Variants in SP1 observed in about 807,000 individuals in gnomAD.
SP1 encodes the protein Sp1 transcription factor.
Under a neutral mutation model 66.3 loss-of-function variants are expected in SP1, and 6 were observed. The observed-to-expected ratio is 0.09, with a 90% CI of 0.05 to 0.18. The LOEUF (loss-of-function observed/expected upper bound fraction) is 0.18. Among genes scored for constraint, SP1 ranks in the 10% least tolerant of loss-of-function variants. The probability of loss-of-function intolerance (pLI) is 1.00; values close to 1 mark genes in which losing one functional copy is unlikely to be tolerated. For synonymous variants in SP1, 417 were observed against 360.8 expected (o/e 1.16, Z -1.77); for missense variants, 848 against 964.5 (o/e 0.88, Z 1.60).
Position 53,381,707 on chromosome 12 carries a change from A to C in SP1, c.56A>C (p.Lys19Thr). The C allele has an allele frequency of 6.2e-7, 1 of 1,613,982 alleles. No individual in the cohort carries two copies. The highest frequency in any genetic ancestry group is 8.5e-7 in the Non-Finnish European group (1 of 1,179,946). The change falls in exon 2 of 6, where the codon AAA (lysine) becomes ACA (threonine). Residue 19 changes from lysine to threonine, a missense_variant. By Grantham distance (78) the Lys-to-Thr change is moderately conservative. Coordinates refer to ENST00000327443, the MANE Select transcript of SP1 (RefSeq NM_138473.3). Reference sequence around the variant, plus strand: ...ATGACAGCTGTGGTGAAAATTGAAAAAGGAGTTGGTGGCAATAATGGGGGC... The same window carrying C: ...ATGACAGCTGTGGTGAAAATTGAAACAGGAGTTGGTGGCAATAATGGGGGC... Reference protein sequence around the residue: ...DEMTAVVKIEKGVGGNNGGNG... With the variant: ...DEMTAVVKIETGVGGNNGGNG...
chr12:53,397,709 G>A (rs940686338), intron 3 of SP1, among the ~76,000 whole-genome samples: 6 of 150,694 alleles, frequency 4.0e-5, no homozygotes, highest in African/African-American at 1.2e-4. Flanking sequence ...GCCTGCCACC[G>A]TGCCCAGATA....
chr12:53,414,933 G>T lies in SP1; in HGVS notation c.*3693G>T, dbSNP rs1053909623. 1 of 152,576 alleles carries T rather than the reference G, an allele frequency of 6.6e-6. No homozygotes were observed. Among genetic ancestry groups the T allele is most frequent in the African/African-American group, 2.4e-5 (1 of 41,438 alleles). 9.5% of individuals were successfully genotyped at this position (152,576 alleles called of 1,614,324 possible). A position where few individuals can be genotyped will look rare whatever the true frequency, so the allele number is the denominator to read the frequency against. ...GTACCAAGGAAATAAGGACAGTCTA[G>T]CTGCCTCAAGTGAGGGGCCCTTTGC... On this transcript the variant is annotated 3_prime_UTR_variant, in exon 6 of 6. Transcript: ENST00000327443.
rs1938928732 is a variant in SP1 at position 53,413,080 on chromosome 12, G to A, written c.*1840G>A. The A allele has an allele frequency of 6.6e-6, 1 of 152,522 alleles. No homozygotes were observed. The highest frequency in any genetic ancestry group is 1.5e-5 in the Non-Finnish European group (1 of 68,032). The allele number at this position is 152,522 out of a possible 1,614,324, so 9.4% of individuals were successfully genotyped here. A position where few individuals can be genotyped will look rare whatever the true frequency, so the allele number is the denominator to read the frequency against. ...AGTGTTTTTGTATGTGTGGGTGAATGTGTGTTCATGCCCGTATATGTCTAC... is the reference window on the plus strand; with the variant it reads ...AGTGTTTTTGTATGTGTGGGTGAATATGTGTTCATGCCCGTATATGTCTAC... On this transcript the variant is annotated 3_prime_UTR_variant, in exon 6 of 6. Transcript: ENST00000327443.
chr12:53,391,725 C>T (rs1396386449), intron 3 of SP1, among the ~76,000 whole-genome samples: 1 of 151,176 alleles, frequency 6.6e-6, no homozygotes, highest in Admixed American at 6.7e-5. Flanking sequence ...CATAGCAACC[C>T]AACAGTTTTT....
intron 3 of SP1, among the ~76,000 whole-genome samples, chr12:53,401,518 A>G (rs111444882): frequency 0.015 from 2,283 of 151,324 alleles, 45 homozygotes; most frequent in African/African-American, 0.051. Context: ...ACAACGAGCA[A>G]TGATACTGGC....
Position 53,406,694 on chromosome 12 carries a change from C to A in SP1, c.1785C>A (p.Ala595=). Residue 595 remains alanine, a synonymous_variant, in exon 4 of 6, where the codon GCC becomes GCA. Transcript: ENST00000327443. ...ACAGCCCAGATGCCCAACCCCAAGC[C>A]GGTCGGAGGACCCGGCGGGAAGCAT... is the stretch of plus-strand genomic sequence containing the variant. ...GENSPDAQPQ[A]GRRTRREACT... The A allele has an allele frequency of 6.2e-7, 1 of 1,614,120 alleles. No individual in the cohort carries two copies. The highest frequency in any genetic ancestry group is 8.5e-7 in the Non-Finnish European group (1 of 1,180,012).
chr12:53,396,174 A>G (rs1187319321), intron 3 of SP1, among the ~76,000 whole-genome samples: 1 of 151,392 alleles, frequency 6.6e-6, no homozygotes, highest in East Asian at 2.0e-4. Context: ...CCAGCTACTC[A>G]GGACGCTGAG....
chr12:53,381,939 G>A, intron 2 of SP1, 126 bp downstream of exon 2: 2 of 1,232,396 alleles, frequency 1.6e-6, no homozygotes, highest in South Asian at 1.5e-5. Flanking sequence ...GGAAGTAAGA[G>A]AATGGAGATC....
Position 53,406,655 on chromosome 12 carries a change from A to G in SP1, c.1746A>G (p.Gly582=). ...GAATACATGATGACACAGCAGGTGG[A>G]GAGGAAGGAGAAAACAGCCCAGATG... The part of the protein sequence containing the change: ...GDGIHDDTAG[G]EEGENSPDAQ... The change falls in exon 4 of 6, where the codon GGA becomes GGG. Residue 582 remains glycine, a synonymous_variant. Coordinates refer to ENST00000327443, the MANE Select transcript of SP1 (RefSeq NM_138473.3). 6.2e-7 allele frequency: 1 copy of G among 1,614,072 alleles called. No individual in the cohort carries two copies. Among genetic ancestry groups the G allele is most frequent in the Non-Finnish European group, 8.5e-7 (1 of 1,179,998 alleles).
chr12:53,380,456 G>A (rs1054142338), intron 1 of SP1, among the ~76,000 whole-genome samples, 158 bp downstream of exon 1: 5 of 151,134 alleles, frequency 3.3e-5, no homozygotes, highest in African/African-American at 9.7e-5. Flanking sequence ...GGAGGGAGAC[G>A]GGGCAGTGGC....
At chr12:53,391,394 G>A (rs557039068) in intron 3 of SP1, among the ~76,000 whole-genome samples, 1 of 138,226 alleles carries the variant, frequency 7.2e-6, no homozygotes, top group Non-Finnish European at 1.5e-5. Context: ...CTGTTGCCAG[G>A]CTGGAGTGCA....
Position 53,383,163 on chromosome 12 carries a change from G to A in SP1, c.1216G>A (p.Val406Ile), listed in dbSNP as rs1038260012. The stretch of plus-strand genomic sequence containing the variant: ...ACAAATTCTTATCCAGCCTCAGCTA[G>A]TTCAAGGGGGACAGGCCCTCCAGGC... ...QQQILIQPQL[V>I]QGGQALQALQ... is the part of the protein sequence containing the mutation. Residue 406 changes from valine to isoleucine, a missense_variant, in exon 3 of 6, where the codon GTT becomes ATT. Coordinates refer to ENST00000327443, the MANE Select transcript of SP1 (RefSeq NM_138473.3). The A allele has an allele frequency of 6.2e-7, 1 of 1,614,220 alleles. No individual in the cohort carries two copies. The highest frequency in any genetic ancestry group is 1.3e-5 in the African/African-American group (1 of 75,050).
chr12:53,397,897 C>T (rs550163584), intron 3 of SP1, among the ~76,000 whole-genome samples: 1 of 152,240 alleles, frequency 6.6e-6, no homozygotes, highest in African/African-American at 2.4e-5. Context: ...AAACACAATG[C>T]ATTACAAATA....
intron 2 of SP1, 124 bp downstream of exon 2, chr12:53,381,937 G>A (rs972311965): frequency 5.7e-6 from 7 of 1,232,272 alleles, no homozygotes; most frequent in Non-Finnish European, 6.8e-6. Flanking sequence ...AAGGAAGTAA[G>A]AGAATGGAGA....
chr12:53,382,855 C>T lies in SP1; in HGVS notation c.908C>T (p.Thr303Ile), dbSNP rs1038128747. Residue 303 changes from threonine to isoleucine, a missense_variant, in exon 3 of 6, where the codon ACT (threonine) becomes ATT (isoleucine). By Grantham distance (89) the Thr-to-Ile change is moderately conservative. Around this residue, in one of 7 missense-constraint regions of SP1, gnomAD observed 606 missense variants for 589.9 expected, o/e 1.03. Coordinates refer to ENST00000327443, the MANE Select transcript of SP1 (RefSeq NM_138473.3). ...ESGSQPVTSG[T>I]TISSASLVSS... ...GGCTCACAGCCTGTCACCTCAGGGA[C>T]TACCATCAGTTCTGCCAGCTTGGTA... 4.3e-6 allele frequency: 7 copies of T among 1,614,196 alleles called. No homozygotes were observed. The highest frequency in any genetic ancestry group is 5.9e-6 in the Non-Finnish European group (7 of 1,180,018).
At chr12:53,398,031 G>A (rs1233651073) in intron 3 of SP1, among the ~76,000 whole-genome samples, 2 of 152,004 alleles carry the variant, frequency 1.3e-5, no homozygotes, top group Admixed American at 6.6e-5. Context: ...ATCTTCTAGT[G>A]CAAAATGACA....
intron 3 of SP1, among the ~76,000 whole-genome samples, chr12:53,386,473 C>A (rs1033782302): frequency 1.4e-4 from 21 of 145,190 alleles, no homozygotes; most frequent in African/African-American, 5.4e-4. Flanking sequence ...TCTATGTAGA[C>A]TGTATCTTTT....
chr12:53,397,744 G>A (rs550854979), intron 3 of SP1, among the ~76,000 whole-genome samples: 37 of 151,934 alleles, frequency 2.4e-4, no homozygotes, highest in Admixed American at 2.2e-3. Context: ...AGTAGAGATA[G>A]GGTTTCACCA....
chr12:53,391,291 A>G (rs1938344563), intron 3 of SP1, among the ~76,000 whole-genome samples: 2 of 150,672 alleles, frequency 1.3e-5, no homozygotes, highest in South Asian at 2.1e-4. Context: ...ACTGTGTTAG[A>G]CTTTAAGAAT....
Sources: allele counts gnomAD v4.1 joint callset (sites outside exome capture counted in the v4.1 genomes callset), GRCh38; gene constraint gnomAD v4.1.1; regional missense constraint gnomAD v4.1.1; transcripts MANE v1.5; gene names NCBI Gene and HGNC (gene_info 2026-07-23, HGNC 2026-07-21).